BTRC: variants seen among roughly 807,000 people sequenced by gnomAD.
BTRC encodes the protein beta-transducin repeat containing E3 ubiquitin protein ligase, also known as F-box/WD repeat-containing protein 1A.
A neutral mutation model predicts 85.5 loss-of-function variants in BTRC; 42 were observed. That is an observed-to-expected ratio of 0.49 (90% CI 0.38 to 0.64). The LOEUF is 0.64. Among genes scored for constraint, BTRC ranks in the 30% least tolerant of loss-of-function variants. The pLI, the probability that BTRC is intolerant of heterozygous loss-of-function variation, is 0.00. For synonymous variants in BTRC, 255 were observed against 263.3 expected, an observed-to-expected ratio of 0.97 and a Z score of 0.30; for missense variants, 594 against 743.5, an observed-to-expected ratio of 0.80 and a Z score of 2.34.
intron 5 of BTRC, among the ~76,000 whole-genome samples, chr10:101,523,547 G>T (rs2062150782): frequency 6.6e-6 from 1 of 152,102 alleles, no homozygotes; most frequent in Non-Finnish European, 1.5e-5. Flanking sequence ...GGTTTTGGTT[G>T]TTGTTTTCCA....
intron 2 of BTRC, among the ~76,000 whole-genome samples, chr10:101,443,164 G>C (rs1479015633): frequency 6.6e-6 from 1 of 152,134 alleles, no homozygotes; most frequent in Non-Finnish European, 1.5e-5. Flanking sequence ...TTACGAGCAT[G>C]AGCCACCGTG....
chr10:101,449,836 A>G (rs1944915328), intron 2 of BTRC, among the ~76,000 whole-genome samples: 1 of 151,736 alleles, frequency 6.6e-6, no homozygotes, highest in Non-Finnish European at 1.5e-5. Context: ...TTTTCCCTGA[A>G]AGAATGGTTG....
intron 3 of BTRC, among the ~76,000 whole-genome samples, chr10:101,463,606 C>G (rs1034562636): frequency 7.9e-5 from 12 of 152,012 alleles, no homozygotes; most frequent in African/African-American, 2.9e-4. Flanking sequence ...GAGCACCCAC[C>G]GTGAACATGA....
intron 4 of BTRC, among the ~76,000 whole-genome samples, chr10:101,505,968 G>A (rs1488180128): frequency 6.6e-6 from 1 of 151,002 alleles, no homozygotes; most frequent in African/African-American, 2.4e-5. Flanking sequence ...AGGCTGGAGT[G>A]CAGTGGCACA....
chr10:101,414,888 CAA>C (rs1266075273), intron 1 of BTRC, among the ~76,000 whole-genome samples: 3 of 151,494 alleles, frequency 2.0e-5, no homozygotes, highest in East Asian at 3.9e-4. Flanking sequence ...AATGTTATTA[CAA>C]AAGAGTCAAA....
At chr10:101,370,042 C>G (rs1942587744) in intron 1 of BTRC, among the ~76,000 whole-genome samples, 1 of 152,208 alleles carries the variant, frequency 6.6e-6, no homozygotes, top group South Asian at 2.1e-4. Flanking sequence ...CTTTTCACAT[C>G]ACATTTGGAC....
intron 4 of BTRC, among the ~76,000 whole-genome samples, chr10:101,482,000 A>C (rs1945846560): frequency 6.6e-6 from 1 of 152,174 alleles, no homozygotes; most frequent in Non-Finnish European, 1.5e-5. Context: ...AGGTACCCAT[A>C]GCATGAGAAT....
intron 1 of BTRC, among the ~76,000 whole-genome samples, chr10:101,398,293 TTC>T (rs1382930420): frequency 6.6e-6 from 1 of 151,936 alleles, no homozygotes; most frequent in African/African-American, 2.4e-5. Context: ...TGTTGAAAAT[TTC>T]TTTTTTTCTT....
intron 13 of BTRC, among the ~76,000 whole-genome samples, chr10:101,543,535 G>A (rs1173733538): frequency 2.1e-5 from 3 of 140,090 alleles, no homozygotes; most frequent in Admixed American, 7.1e-5. Flanking sequence ...TGTAATTTTT[G>A]TATGTTTGGA....
At chr10:101,376,563 G>A (rs1942795587) in intron 1 of BTRC, among the ~76,000 whole-genome samples, 1 of 152,104 alleles carries the variant, frequency 6.6e-6, no homozygotes, top group Non-Finnish European at 1.5e-5. Flanking sequence ...GGCCACTGAG[G>A]TACTACATTA....
chr10:101,529,220 A>C (rs958653373), intron 6 of BTRC, among the ~76,000 whole-genome samples: 2 of 152,238 alleles, frequency 1.3e-5, no homozygotes, highest in African/African-American at 2.4e-5. Context: ...ATAAAGACAG[A>C]AGCCAGTTTT....
chr10:101,549,713 C>CAAAAA lies in BTRC; in HGVS notation c.1657-967_1657-963dup, dbSNP rs755481178. On this transcript the variant is annotated intron_variant, in intron 13 of 14. Coordinates refer to ENST00000370187, the MANE Select transcript of BTRC (RefSeq NM_033637.4). Reference sequence around the variant, plus strand: ...GGGGCGAAAGAGCGAGACTCTGTCTCAAAAAAAAAAAAAAAAAAAAAAAGA... The same window carrying CAAAAA: ...GGGGCGAAAGAGCGAGACTCTGTCTCAAAAAAAAAAAAAAAAAAAAAAAAAAAAGA... Among the ~76,000 whole-genome samples, 28 of 42,734 alleles carry CAAAAA rather than the reference C, an allele frequency of 6.6e-4. 1 individual carries two copies. The highest frequency in any genetic ancestry group is 0.018 in the Middle Eastern group (1 of 56). The allele number at this position is 42,734 out of a possible 152,430, so 28.0% of individuals were successfully genotyped here.
chr10:101,541,256 G>A (rs1195416914), intron 13 of BTRC, among the ~76,000 whole-genome samples: 1 of 128,600 alleles, frequency 7.8e-6, no homozygotes, highest in Non-Finnish European at 1.6e-5. Flanking sequence ...TCAGCTATAG[G>A]GTTTTTCTCT....
intron 1 of BTRC, among the ~76,000 whole-genome samples, chr10:101,382,488 TAAA>T (rs553173276): frequency 1.3e-5 from 2 of 152,178 alleles, no homozygotes; most frequent in South Asian, 2.1e-4. Context: ...TAGATCAGGG[TAAA>T]AAATTTGGCA....
chr10:101,489,810 G>A (rs371459043), intron 4 of BTRC, among the ~76,000 whole-genome samples: 2 of 152,084 alleles, frequency 1.3e-5, no homozygotes, highest in Non-Finnish European at 2.9e-5. Context: ...CTTAAGATTA[G>A]CATTAAAATA....
At chr10:101,392,436 T>C (rs1943259102) in intron 1 of BTRC, among the ~76,000 whole-genome samples, 1 of 152,164 alleles carries the variant, frequency 6.6e-6, no homozygotes, top group African/African-American at 2.4e-5. Context: ...GGAACACGTA[T>C]CAAAAAAAAT....
intron 2 of BTRC, among the ~76,000 whole-genome samples, chr10:101,437,831 G>A (rs187910471): frequency 4.7e-4 from 72 of 152,068 alleles, no homozygotes; most frequent in Admixed American, 2.5e-3. Flanking sequence ...TGCATATACC[G>A]TTCTGCTTAC....
chr10:101,420,375 C>T (rs560430724), intron 1 of BTRC, among the ~76,000 whole-genome samples: 6 of 152,112 alleles, frequency 3.9e-5, no homozygotes, highest in African/African-American at 4.8e-5. Context: ...TTTTGGGATC[C>T]GACAGCTTGC....
chr10:101,455,543 G>C (rs1044690573), intron 2 of BTRC, among the ~76,000 whole-genome samples: 3 of 152,140 alleles, frequency 2.0e-5, no homozygotes, highest in Admixed American at 6.5e-5. Context: ...GGCGTAAGGG[G>C]ATAAAGGCTT....
Sources: gnomAD v4.1 joint callset for allele counts (sites outside exome capture counted in the v4.1 genomes callset) on GRCh38, gnomAD v4.1.1 for gene constraint, MANE v1.5 for transcripts, NCBI Gene and HGNC (gene_info 2026-07-23, HGNC 2026-07-21) for gene names.